ARHGEF28: variants seen among roughly 807,000 people sequenced by gnomAD.
The protein encoded by ARHGEF28 is Rho guanine nucleotide exchange factor 28, also known as 190 kDa guanine nucleotide exchange factor.
Under a neutral mutation model 206.6 loss-of-function variants are expected in ARHGEF28, and 152 were observed. The ratio of observed to expected loss-of-function variants is 0.74; its 90% CI spans 0.64 to 0.84. The LOEUF (loss-of-function observed/expected upper bound fraction) is 0.84, where lower values mean the gene tolerates loss of function less well. Among genes scored for constraint, ARHGEF28 ranks in the 40% least tolerant of loss-of-function variants. The probability of loss-of-function intolerance (pLI) is 0.00; values close to 1 mark genes in which losing one functional copy is unlikely to be tolerated. For synonymous variants in ARHGEF28, 763 were observed against 776.4 expected, an observed-to-expected ratio of 0.98 and a Z score of 0.29; for missense variants, 2,028 against 2,073.2, an observed-to-expected ratio of 0.98 and a Z score of 0.42.
chr5:73,853,479 G>A (rs1758827673), intron 14 of ARHGEF28, among the ~76,000 whole-genome samples: 2 of 152,174 alleles, frequency 1.3e-5, no homozygotes, highest in African/African-American at 2.4e-5. Context: ...GGATCAAGAT[G>A]GGGTGTTTCG....
At chr5:73,794,544 C>G (rs1754682569) in intron 8 of ARHGEF28, 90 bp downstream of exon 8, 1 of 1,052,422 alleles carries the variant, frequency 9.5e-7, no homozygotes, top group East Asian at 2.7e-5. Flanking sequence ...TTAAAAAACA[C>G]TAAAAAAAGG....
At chr5:73,934,354 A>G (rs1288469519) in intron 35 of ARHGEF28, among the ~76,000 whole-genome samples, 1 of 151,842 alleles carries the variant, frequency 6.6e-6, no homozygotes, top group Non-Finnish European at 1.5e-5. Context: ...CGTGGCACAC[A>G]ATGTCTGTTT....
In ARHGEF28 at chr5:73,747,738, C is replaced by G. The variant is rs1037926453; in HGVS notation, c.34-2099C>G. Among the ~76,000 whole-genome samples, 9 of 152,136 alleles carry G rather than the reference C, an allele frequency of 5.9e-5. No individual in the cohort carries two copies. The East Asian group carries it at 1.7e-3, about 29-fold the overall frequency. Reference sequence around the variant, plus strand: ...AGTGTTAGGACTTCTGGGCATCTCTCTTTAATCTCCTTAATGGGCATGTCT... The same window carrying G: ...AGTGTTAGGACTTCTGGGCATCTCTGTTTAATCTCCTTAATGGGCATGTCT... On this transcript the variant is annotated intron_variant, in intron 2 of 35. Transcript: ENST00000513042.
In ARHGEF28 at chr5:73,927,735, A is replaced by G. The variant is rs527711959; in HGVS notation, c.4949-13109A>G. On this transcript the variant is annotated intron_variant, in intron 35 of 35. Coordinates refer to ENST00000513042, the MANE Select transcript of ARHGEF28 (RefSeq NM_001177693.2). ...TCTGTTTTACAAACTGCCTAATTTT[A>G]TAATTGTATAATTCCTAAAAATGTT... Among the ~76,000 whole-genome samples, 15 of 152,346 alleles carry G rather than the reference A, an allele frequency of 9.8e-5. No individual in the cohort carries two copies. In the South Asian group the frequency reaches 2.9e-3, roughly 29 times the overall value.
At chr5:73,874,047 A>G (rs911603305) in intron 22 of ARHGEF28, among the ~76,000 whole-genome samples, 1 of 152,150 alleles carries the variant, frequency 6.6e-6, no homozygotes, top group African/African-American at 2.4e-5. Context: ...TATTGACACT[A>G]TTTTTAATTT....
intron 2 of ARHGEF28, among the ~76,000 whole-genome samples, chr5:73,704,674 C>T (rs1043893587): frequency 1.3e-5 from 2 of 152,200 alleles, no homozygotes; most frequent in Non-Finnish European, 2.9e-5. Flanking sequence ...ATCCACCTGC[C>T]TCAGCCTCCC....
rs942364140 is a variant in ARHGEF28 at position 73,806,289 on chromosome 5, T to C, written c.1024+10898T>C. 3.8e-5 allele frequency among the ~76,000 whole-genome samples: 5 copies of C among 132,948 alleles called. 1 individual carries two copies. Among genetic ancestry groups the C allele is most frequent in the Non-Finnish European group, 7.8e-5 (5 of 64,108 alleles). The allele number at this position is 132,948 out of a possible 152,430, so 87.2% of individuals were successfully genotyped here. ...TATATAGATATATATACATAGATAG[T>C]ATATATAGTATAGTATATATAGTAT... On this transcript the variant is annotated intron_variant, in intron 9 of 35. Transcript: ENST00000513042.
At chr5:73,913,598 G>A (rs1580092938) in intron 35 of ARHGEF28, among the ~76,000 whole-genome samples, 1 of 152,138 alleles carries the variant, frequency 6.6e-6, no homozygotes, top group Non-Finnish European at 1.5e-5. Flanking sequence ...CAGTGACTGC[G>A]GGGGGCCGGA....
chr5:73,659,008 A>G (rs1035028812), intron 1 of ARHGEF28, among the ~76,000 whole-genome samples: 1 of 129,372 alleles, frequency 7.7e-6, no homozygotes, highest in African/African-American at 2.8e-5. Flanking sequence ...CACACACACC[A>G]CACTCACAGG....
intron 2 of ARHGEF28, among the ~76,000 whole-genome samples, chr5:73,728,275 T>A (rs909281282): frequency 6.6e-6 from 1 of 152,218 alleles, no homozygotes; most frequent in Admixed American, 6.5e-5. Flanking sequence ...GATAATTTCT[T>A]TGTTTCATCC....
At chr5:73,729,359 G>C (rs1478356194) in intron 2 of ARHGEF28, among the ~76,000 whole-genome samples, 1 of 152,196 alleles carries the variant, frequency 6.6e-6, no homozygotes, top group Non-Finnish European at 1.5e-5. Flanking sequence ...GGATGACCAT[G>C]TATAGTGCTG....
intron 35 of ARHGEF28, among the ~76,000 whole-genome samples, chr5:73,919,819 A>G (rs1763420379): frequency 6.6e-6 from 1 of 152,234 alleles, no homozygotes; most frequent in Non-Finnish European, 1.5e-5. Context: ...GATAAAAGTC[A>G]TGGTTCAGCA....
rs557680319 is a variant in ARHGEF28 at position 73,778,750 on chromosome 5, C to A, written c.841-1926C>A. ...GGTTAGATATTATTTTAAATATAAG[C>A]AGGTGGTAATTATTTTATAGGTTGT... is the stretch of plus-strand genomic sequence containing the variant. On this transcript the variant is annotated intron_variant, in intron 6 of 35. Transcript: ENST00000513042. Among the ~76,000 whole-genome samples, 31 of 152,266 alleles carry A rather than the reference C, an allele frequency of 2.0e-4. No homozygotes were observed. In the South Asian group the frequency reaches 5.8e-3, roughly 28 times the overall value.
intron 8 of ARHGEF28, 128 bp downstream of exon 8, chr5:73,794,582 T>C (rs1304139883): frequency 3.9e-6 from 3 of 777,540 alleles, no homozygotes; most frequent in Non-Finnish European, 6.1e-6. Context: ...TTCAGAATAA[T>C]GTGAAATTCT....
At chr5:73,843,571 C>G (rs751739267) in intron 11 of ARHGEF28, among the ~76,000 whole-genome samples, 4 of 152,054 alleles carry the variant, frequency 2.6e-5, no homozygotes, top group Non-Finnish European at 5.9e-5. Flanking sequence ...CTGGAAACCT[C>G]TAATGAAGGA....
At chr5:73,661,971 A>G (rs1229165733) in intron 1 of ARHGEF28, among the ~76,000 whole-genome samples, 2 of 152,218 alleles carry the variant, frequency 1.3e-5, no homozygotes, top group African/African-American at 2.4e-5. Context: ...GATTGCCACA[A>G]ACTTTCAGTT....
intron 1 of ARHGEF28, among the ~76,000 whole-genome samples, chr5:73,627,496 G>T (rs1456717358): frequency 6.6e-6 from 1 of 152,192 alleles, no homozygotes; most frequent in Non-Finnish European, 1.5e-5. Flanking sequence ...TCCAAGCGTA[G>T]TGATGACTTC....
rs1237352221 is a variant in ARHGEF28, at chr5:73,794,458, A to G, written c.963+4A>G. ...AGCTGAAAAGGAAGATATAAAGGTAATGAATGACTCCCTGCTTCTTTCTTT... is the reference window on the plus strand; with the variant it reads ...AGCTGAAAAGGAAGATATAAAGGTAGTGAATGACTCCCTGCTTCTTTCTTT... On this transcript the variant is annotated splice_donor_region_variant and intron_variant, in intron 8 of 35. Transcript: ENST00000513042. 1 of 1,592,602 alleles carries G rather than the reference A, an allele frequency of 6.3e-7. No homozygotes were observed. Among genetic ancestry groups the G allele is most frequent in the Non-Finnish European group, 8.6e-7 (1 of 1,165,908 alleles).
At chr5:73,698,555 G>A (rs910622561) in intron 2 of ARHGEF28, among the ~76,000 whole-genome samples, 27 of 152,058 alleles carry the variant, frequency 1.8e-4, no homozygotes, top group African/African-American at 6.3e-4. Flanking sequence ...GAGCCTTGAA[G>A]CTTCATTAGT....
Sources: allele counts gnomAD v4.1 joint callset (sites outside exome capture counted in the v4.1 genomes callset), GRCh38; gene constraint gnomAD v4.1.1; transcripts MANE v1.5; gene names NCBI Gene and HGNC (gene_info 2026-07-23, HGNC 2026-07-21).